RALGAPA2: variants seen among roughly 807,000 people sequenced by gnomAD.
The protein encoded by RALGAPA2 is ral GTPase-activating protein subunit alpha-2.
In RALGAPA2, 139 loss-of-function variants were observed where a neutral mutation model predicts 230.4. The observed-to-expected ratio is 0.60, with a 90% CI of 0.53 to 0.69. The LOEUF is 0.69. Ranked by LOEUF, RALGAPA2 falls within the 30% of genes least tolerant of loss-of-function variation. RALGAPA2 has a pLI of 0.00. For missense variants in RALGAPA2, 2,163 were observed against 2,276.0 expected (o/e 0.95, Z 1.01); for synonymous variants, 847 against 837.8 (o/e 1.01, Z -0.19).
intron 37 of RALGAPA2, among the ~76,000 whole-genome samples, chr20:20,431,976 C>T (rs368212295): frequency 1.8e-4 from 28 of 152,270 alleles, no homozygotes; most frequent in East Asian, 5.8e-4. Context: ...CTTGCACAGA[C>T]TTAATGGGAG....
At chr20:20,630,680 G>C (rs778679192) in intron 9 of RALGAPA2, among the ~76,000 whole-genome samples, 2 of 152,162 alleles carry the variant, frequency 1.3e-5, no homozygotes, top group Non-Finnish European at 2.9e-5. Context: ...TGAAGCTTCA[G>C]CAGGAATGAC....
chr20:20,391,795 T>C lies in RALGAPA2; in HGVS notation c.*1494A>G. ...GCAGAGGGCAGAGGGCACAGGAAGG[T>C]GGGGAGGCCTCCCGCACAGGGCCCG... On this transcript the variant is annotated 3_prime_UTR_variant, in exon 40 of 40. Coordinates refer to ENST00000202677, the MANE Select transcript of RALGAPA2 (RefSeq NM_020343.4). 6.5e-6 allele frequency: 1 copy of C among 152,812 alleles called. No homozygotes were observed. The highest frequency in any genetic ancestry group is 1.5e-5 in the Non-Finnish European group (1 of 68,450). The allele number at this position is 152,812 out of a possible 1,614,324, so 9.5% of individuals were successfully genotyped here.
At chr20:20,579,962 T>C (rs1216267981) in intron 20 of RALGAPA2, among the ~76,000 whole-genome samples, 1 of 152,212 alleles carries the variant, frequency 6.6e-6, no homozygotes, top group African/African-American at 2.4e-5. Context: ...GTAAATGTCA[T>C]AGAATTTATC....
At position 20,605,248 on chromosome 20, in the gene RALGAPA2, A is replaced by T. The variant is rs2065782977; in HGVS notation, c.1965T>A (p.Val655=). ...GTAGGTTTGTCATCTCAACTCCATA[A>T]ACGGTTCTTGCAAGCACTGCTGTCA... is the stretch of plus-strand genomic sequence containing the variant. ...DSLTAVLART[V]YGVEMTNLPL... The change falls in exon 15 of 40, where the codon GTT becomes GTA. Residue 655 remains valine (V), a synonymous_variant. Coordinates refer to ENST00000202677, the MANE Select transcript of RALGAPA2 (RefSeq NM_020343.4). 3.1e-6 allele frequency: 5 copies of T among 1,613,860 alleles called. No individual in the cohort carries two copies. The highest frequency in any genetic ancestry group is 3.4e-6 in the Non-Finnish European group (4 of 1,179,838).
Position 20,536,578 on chromosome 20 carries a change from C to T in RALGAPA2, c.3414+78G>A, listed in dbSNP as rs1044311651. On this transcript the variant is annotated intron_variant, in intron 25 of 39. Transcript: ENST00000202677. The stretch of plus-strand genomic sequence containing the variant: ...CTTCAGGAATAAGCAGATTAATATA[C>T]ACTAATGGAAGAGATAATCATACAT... 14 of 1,476,808 alleles carry T rather than the reference C, an allele frequency of 9.5e-6. No homozygotes were observed. The Admixed American group carries it at 2.7e-4, about 29-fold the overall frequency. The allele number at this position is 1,476,808 out of a possible 1,614,324, so 91.5% of individuals were successfully genotyped here.
intron 36 of RALGAPA2, among the ~76,000 whole-genome samples, chr20:20,479,872 C>T (rs2061732848): frequency 6.6e-6 from 1 of 152,210 alleles, no homozygotes; most frequent in Admixed American, 6.5e-5. Flanking sequence ...GAATCTCCAA[C>T]ATAATCTATG....
intron 1 of RALGAPA2, among the ~76,000 whole-genome samples, chr20:20,692,381 A>G (rs1160100616): frequency 6.6e-6 from 1 of 152,222 alleles, no homozygotes; most frequent in Non-Finnish European, 1.5e-5. Context: ...AAAAACTGAG[A>G]GCAGCCTGGA....
intron 6 of RALGAPA2, 99 bp from the exon 7 acceptor site, chr20:20,639,999 A>C: frequency 1.1e-6 from 1 of 871,080 alleles, no homozygotes; most frequent in Non-Finnish European, 1.9e-6. Context: ...ACATCTCTCC[A>C]TCCACTGAAG....
At chr20:20,598,734 G>A (rs918462675) in intron 16 of RALGAPA2, 4 of 456,232 alleles carry the variant, frequency 8.8e-6, no homozygotes, top group Admixed American at 2.4e-5. Context: ...GAGCGCTCAC[G>A]GTGTGAAGGA....
intron 3 of RALGAPA2, among the ~76,000 whole-genome samples, chr20:20,661,076 T>C (rs2067759625): frequency 6.6e-6 from 1 of 152,222 alleles, no homozygotes; most frequent in Non-Finnish European, 1.5e-5. Context: ...ATAATCTGGG[T>C]ATAAACTGCT....
At chr20:20,547,382 T>C (rs746939369) in intron 23 of RALGAPA2, among the ~76,000 whole-genome samples, 3 of 152,218 alleles carry the variant, frequency 2.0e-5, no homozygotes, top group Non-Finnish European at 2.9e-5. Context: ...TCTGAGTATA[T>C]GTGTGATCTC....
intron 37 of RALGAPA2, among the ~76,000 whole-genome samples, chr20:20,442,850 C>T (rs2060768359): frequency 6.6e-6 from 1 of 152,258 alleles, no homozygotes; most frequent in Non-Finnish European, 1.5e-5. Context: ...GTGATGCCCA[C>T]TTTAATCTCT....
At chr20:20,647,440 A>C (rs2067254229) in intron 4 of RALGAPA2, among the ~76,000 whole-genome samples, 3 of 152,236 alleles carry the variant, frequency 2.0e-5, no homozygotes, top group African/African-American at 7.2e-5. Context: ...ATGAGGAACC[A>C]GCATTCCACT....
At position 20,652,721 on chromosome 20, in the gene RALGAPA2, TC is replaced by T. The variant is rs2067447436; in HGVS notation, c.328+808del. On this transcript the variant is annotated intron_variant, in intron 4 of 39. Transcript: ENST00000202677. ...CGGAAGGCAGAATTCACGATTGATT[TC>T]CCAGAATTACTCCAGCTGTGCTGTG... Among the ~76,000 whole-genome samples, 14 of 152,308 alleles carry T rather than the reference TC, an allele frequency of 9.2e-5. No homozygotes were observed. The South Asian group carries it at 2.9e-3, about 32-fold the overall frequency.
intron 36 of RALGAPA2, among the ~76,000 whole-genome samples, chr20:20,494,882 T>C (rs2062159475): frequency 6.6e-6 from 1 of 152,242 alleles, no homozygotes; most frequent in Non-Finnish European, 1.5e-5. Flanking sequence ...GACATTATAA[T>C]TTCCAAAGAG....
At chr20:20,647,295 A>C (rs1354883598) in intron 4 of RALGAPA2, among the ~76,000 whole-genome samples, 1 of 152,228 alleles carries the variant, frequency 6.6e-6, no homozygotes, top group East Asian at 1.9e-4. Context: ...CACACAATGC[A>C]GTACACCATC....
chr20:20,664,416 G>A (rs1005774924), intron 3 of RALGAPA2, among the ~76,000 whole-genome samples: 2 of 151,988 alleles, frequency 1.3e-5, no homozygotes, highest in Admixed American at 6.6e-5. Flanking sequence ...ATGACGGAAC[G>A]AACATTCAGT....
chr20:20,503,292 A>G (rs2273527), intron 35 of RALGAPA2, 59 bp downstream of exon 35: 43,515 of 1,394,388 alleles, frequency 0.031, 811 homozygotes, highest in South Asian at 0.058. Flanking sequence ...TGTCTGTCCT[A>G]GGAGAGCCTC....
rs751649126 is a variant in RALGAPA2, at chr20:20,629,545, C to G, written c.1051G>C (p.Gly351Arg). 1 of 1,613,852 alleles carries G rather than the reference C, an allele frequency of 6.2e-7. No homozygotes were observed. Among genetic ancestry groups the G allele is most frequent in the South Asian group, 1.1e-5 (1 of 91,064 alleles). ...AVQERAPELD[G>R]GGPTEQDKSH... ...TTGTCCTGCTCCGTGGGCCCACCAC[C>G]ATCCAGCTCAGGCGCTCTCTCCTGC... The change falls in exon 10 of 40, where the codon GGT (glycine) becomes CGT (arginine). Residue 351 changes from glycine (G) to arginine (R), a missense_variant. By Grantham distance (125) the Gly-to-Arg change is moderately radical. Transcript: ENST00000202677.
Sources: gnomAD v4.1 joint callset for allele counts (sites outside exome capture counted in the v4.1 genomes callset) on GRCh38, gnomAD v4.1.1 for gene constraint, MANE v1.5 for transcripts, NCBI Gene and HGNC (gene_info 2026-07-23, HGNC 2026-07-21) for gene names.